Variants in PTPRD observed in about 807,000 individuals in gnomAD.
PTPRD encodes receptor-type tyrosine-protein phosphatase delta.
In PTPRD, 34 loss-of-function variants were observed where a neutral mutation model predicts 214.5. The ratio of observed to expected loss-of-function variants is 0.16; its 90% confidence interval spans 0.12 to 0.21. The LOEUF (loss-of-function observed/expected upper bound fraction) is 0.21, where lower values mean the gene tolerates loss of function less well. Ranked by LOEUF, PTPRD falls within the 10% of genes least tolerant of loss-of-function variation. The probability of loss-of-function intolerance (pLI) is 1.00; values close to 1 mark genes in which losing one functional copy is unlikely to be tolerated. For synonymous variants in PTPRD, 1,128 were observed against 845.7 expected, an observed-to-expected ratio of 1.33 and a Z score of -5.79; for missense variants, 2,545 against 2,398.7, an observed-to-expected ratio of 1.06 and a Z score of -1.27.
At chr9:9,511,247 A>G (rs988401754) in intron 8 of PTPRD, among the ~76,000 whole-genome samples, 9 of 151,714 alleles carry the variant, frequency 5.9e-5, no homozygotes, top group African/African-American at 1.2e-4. Context: ...CTCATCCTCT[A>G]TGGTAAAGAG....
At chr9:10,447,270 G>A (rs888866771) in intron 2 of PTPRD, among the ~76,000 whole-genome samples, 7 of 151,962 alleles carry the variant, frequency 4.6e-5, no homozygotes, top group African/African-American at 1.7e-4. Flanking sequence ...TGAGCACATG[G>A]CATGCAGAGA....
chr9:9,479,065 TTA>T (rs997770831), intron 8 of PTPRD, among the ~76,000 whole-genome samples: 1 of 152,148 alleles, frequency 6.6e-6, no homozygotes, highest in African/African-American at 2.4e-5. Context: ...CTGTTTTTCC[TTA>T]TGTTTTTTTT....
intron 8 of PTPRD, among the ~76,000 whole-genome samples, chr9:9,403,720 C>T (rs10114518): frequency 0.88 from 133,605 of 152,084 alleles, 58,837 homozygotes; most frequent in African/African-American, 0.92. Context: ...GTTTATAAAA[C>T]GAATATTTTT....
chr9:9,127,009 C>G (rs1023681262), intron 10 of PTPRD, among the ~76,000 whole-genome samples: 1 of 151,196 alleles, frequency 6.6e-6, no homozygotes, highest in African/African-American at 2.4e-5. Flanking sequence ...CACACAGGTA[C>G]ACACACACAC....
chr9:9,211,680 A>G (rs1251050087), intron 9 of PTPRD, among the ~76,000 whole-genome samples: 3 of 152,234 alleles, frequency 2.0e-5, no homozygotes, highest in Non-Finnish European at 4.4e-5. Flanking sequence ...AATTACATGT[A>G]ACATGTTTAA....
At chr9:9,071,063 A>G (rs995453639) in intron 10 of PTPRD, among the ~76,000 whole-genome samples, 2 of 152,076 alleles carry the variant, frequency 1.3e-5, no homozygotes, top group Admixed American at 1.3e-4. Context: ...ACAGGCATGC[A>G]CCACCATACC....
At chr9:8,810,281 A>G (rs2096775294) in intron 11 of PTPRD, among the ~76,000 whole-genome samples, 1 of 152,204 alleles carries the variant, frequency 6.6e-6, no homozygotes, top group South Asian at 2.1e-4. Flanking sequence ...CGATATAAAC[A>G]ACATGCCCAT....
chr9:8,978,497 C>T (rs2099281139), intron 11 of PTPRD, among the ~76,000 whole-genome samples: 1 of 152,054 alleles, frequency 6.6e-6, no homozygotes, highest in South Asian at 2.1e-4. Flanking sequence ...TATTAGGGTG[C>T]CTCTATGCAA....
At chr9:10,111,518 G>A (rs291292) in intron 3 of PTPRD, among the ~76,000 whole-genome samples, 3 of 152,124 alleles carry the variant, frequency 2.0e-5, no homozygotes, top group South Asian at 4.2e-4. Flanking sequence ...GATTACAGGC[G>A]TGAGCCACCG....
intron 12 of PTPRD, among the ~76,000 whole-genome samples, chr9:8,637,907 T>C (rs2096481590): frequency 6.6e-6 from 1 of 152,120 alleles, no homozygotes; most frequent in Non-Finnish European, 1.5e-5. Flanking sequence ...GAGTTATATG[T>C]GGGGATAGCA....
At chr9:9,677,818 C>A (rs2096967244) in intron 7 of PTPRD, among the ~76,000 whole-genome samples, 1 of 152,024 alleles carries the variant, frequency 6.6e-6, no homozygotes, top group South Asian at 2.1e-4. Flanking sequence ...ATCTAGAAAA[C>A]CCTATCATCT....
intron 2 of PTPRD, among the ~76,000 whole-genome samples, chr9:10,355,708 C>A (rs1597917653): frequency 2.6e-5 from 4 of 152,024 alleles, no homozygotes; most frequent in African/African-American, 9.7e-5. Flanking sequence ...GAACTCCCGA[C>A]CTCAGGTGAT....
intron 14 of PTPRD, among the ~76,000 whole-genome samples, chr9:8,558,740 T>C (rs1455997761): frequency 6.6e-6 from 1 of 152,214 alleles, no homozygotes; most frequent in Admixed American, 6.5e-5. Context: ...TGAGTGTTCA[T>C]ATTAATGTTA....
chr9:9,858,846 G>GA (rs2062071311), intron 5 of PTPRD, among the ~76,000 whole-genome samples: 1 of 152,204 alleles, frequency 6.6e-6, no homozygotes, highest in East Asian at 1.9e-4. Flanking sequence ...GGTCCCTGGG[G>GA]AAAAAATTAA....
At chr9:10,251,790 T>C (rs978470808) in intron 3 of PTPRD, among the ~76,000 whole-genome samples, 2 of 152,168 alleles carry the variant, frequency 1.3e-5, no homozygotes, top group African/African-American at 4.8e-5. Context: ...TGATCTCTTA[T>C]TTGTGGAATC....
intron 3 of PTPRD, among the ~76,000 whole-genome samples, chr9:10,272,577 C>T (rs2094479609): frequency 6.6e-6 from 1 of 152,082 alleles, no homozygotes; most frequent in African/African-American, 2.4e-5. Context: ...TGATAAAAAA[C>T]CTATATATTT....
intron 21 of PTPRD, among the ~76,000 whole-genome samples, chr9:8,512,528 C>T (rs1375937347): frequency 6.6e-6 from 1 of 151,926 alleles, no homozygotes; most frequent in Non-Finnish European, 1.5e-5. Flanking sequence ...TTATAAACTT[C>T]TGGAAACCTA....
intron 9 of PTPRD, among the ~76,000 whole-genome samples, chr9:9,192,017 T>A (rs893365559): frequency 6.6e-6 from 1 of 152,026 alleles, no homozygotes; most frequent in African/African-American, 2.4e-5. Flanking sequence ...CCAATTCCTG[T>A]ACTGCTTCTG....
intron 3 of PTPRD, among the ~76,000 whole-genome samples, chr9:10,169,291 A>G (rs57380099): frequency 0.37 from 55,701 of 149,986 alleles, 10,462 homozygotes; most frequent in Middle Eastern, 0.44. Flanking sequence ...TGGCTAACAC[A>G]GTGAAACCCC....
Sources: gnomAD v4.1 joint callset for allele counts (sites outside exome capture counted in the v4.1 genomes callset) on GRCh38, gnomAD v4.1.1 for gene constraint, MANE v1.5 for transcripts, NCBI Gene and HGNC (gene_info 2026-07-23, HGNC 2026-07-21) for gene names.